Variants in PRH1 observed in about 807,000 individuals in gnomAD.
PRH1 encodes the protein proline rich protein HaeIII subfamily 1, also known as salivary acidic proline-rich phosphoprotein 1/2.
Under a neutral mutation model 7.9 loss-of-function variants are expected in PRH1, and 7 were observed. That is an observed-to-expected ratio of 0.89 (90% CI 0.50 to 1.67). The LOEUF is 1.67. Ranked by LOEUF, PRH1 falls within the 40% of genes most tolerant of loss-of-function variation. The pLI is 0.00. For synonymous variants in PRH1, 45 were observed against 80.8 expected, an observed-to-expected ratio of 0.56 and a Z score of 2.38; for missense variants, 109 against 223.6, an observed-to-expected ratio of 0.49 and a Z score of 3.27.
At chr12:11,034,989 T>G (rs1390942319) in intron 1 of PRH1, 1 of 152,140 alleles carries the variant, frequency 6.6e-6, no homozygotes, top group Admixed American at 6.5e-5. Flanking sequence ...ACTTTTGAAA[T>G]ACACTGAAGA....
intron 1 of PRH1, among the ~76,000 whole-genome samples, chr12:11,147,757 T>C (rs1211713052): frequency 6.6e-6 from 1 of 152,230 alleles, no homozygotes; most frequent in Non-Finnish European, 1.5e-5. Flanking sequence ...TCTACAGATG[T>C]TAAAGAGCAT....
intron 1 of PRH1, among the ~76,000 whole-genome samples, chr12:11,104,778 T>C (rs1382184945): frequency 6.6e-6 from 1 of 152,130 alleles, no homozygotes; most frequent in African/African-American, 2.4e-5. Flanking sequence ...CTAGGAGTAG[T>C]GTATGAAAAT....
chr12:11,028,471 C>A (rs910803065), intron 1 of PRH1, among the ~76,000 whole-genome samples: 18 of 152,218 alleles, frequency 1.2e-4, no homozygotes, highest in Admixed American at 8.5e-4. Flanking sequence ...TTGTTCCGGT[C>A]TCAATTTCCA....
At chr12:11,057,135 T>A (rs991911181) in intron 1 of PRH1, among the ~76,000 whole-genome samples, 1 of 152,078 alleles carries the variant, frequency 6.6e-6, no homozygotes, top group African/African-American at 2.4e-5. Flanking sequence ...GTTTCCCAAG[T>A]ATTTGGAACT....
chr12:10,970,325 A>G (rs1938746331), intron 2 of PRH1, among the ~76,000 whole-genome samples: 1 of 152,174 alleles, frequency 6.6e-6, no homozygotes, highest in Admixed American at 6.5e-5. Context: ...ATTTTATTTA[A>G]GGATAAATTT....
At chr12:11,134,173 A>G in intron 1 of PRH1, 1 of 1,613,984 alleles carries the variant, frequency 6.2e-7, no homozygotes, top group Non-Finnish European at 8.5e-7. Context: ...CTATGAAGCC[A>G]TTAGCAAAAT....
intron 1 of PRH1, among the ~76,000 whole-genome samples, chr12:11,102,810 C>A (rs1393453584): frequency 6.6e-6 from 1 of 152,122 alleles, no homozygotes; most frequent in Non-Finnish European, 1.5e-5. Flanking sequence ...GGGCTAATAT[C>A]CAGAATCTAC....
At chr12:11,136,962 C>T (rs547921640) in intron 1 of PRH1, among the ~76,000 whole-genome samples, 1 of 152,270 alleles carries the variant, frequency 6.6e-6, no homozygotes, top group Admixed American at 6.5e-5. Flanking sequence ...TCACAATTTT[C>T]TTCTTTTTGT....
At chr12:10,960,469 C>T (rs772891344) in intron 2 of PRH1, among the ~76,000 whole-genome samples, 13 of 152,200 alleles carry the variant, frequency 8.5e-5, no homozygotes, top group Non-Finnish European at 1.5e-4. Flanking sequence ...CTGAGCAGAA[C>T]GTGGTTTCTG....
chr12:11,069,934 G>T (rs1345757600), intron 1 of PRH1, among the ~76,000 whole-genome samples: 17 of 139,826 alleles, frequency 1.2e-4, no homozygotes, highest in African/African-American at 4.1e-4. Flanking sequence ...CTTTCTCAAA[G>T]ACCTGCAGCC....
intron 1 of PRH1, chr12:11,031,305 TG>T (rs1418985069): frequency 6.2e-7 from 1 of 1,612,064 alleles, no homozygotes; most frequent in African/African-American, 1.3e-5. Context: ...ACTACCACAC[TG>T]GAAAAAATGA....
chr12:10,944,201 A>G (rs1950448912), intron 2 of PRH1, among the ~76,000 whole-genome samples: 1 of 152,190 alleles, frequency 6.6e-6, no homozygotes, highest in Admixed American at 6.5e-5. Context: ...GATTCTTTGT[A>G]TCCATGAACA....
chr12:10,885,289 T>C (rs573720277), upstream of PRH1, among the ~76,000 whole-genome samples: 1 of 152,358 alleles, frequency 6.6e-6, no homozygotes, highest in South Asian at 2.1e-4. Context: ...AGGATTTTTA[T>C]CTGTAATATT....
chr12:10,924,291 T>G lies in PRH1; in HGVS notation c.-58-40016A>C, dbSNP rs1950095414. 2.0e-5 allele frequency among the ~76,000 whole-genome samples: 3 copies of G among 152,142 alleles called. No homozygotes were observed. The South Asian group carries it at 6.2e-4, about 31-fold the overall frequency. ...CGTGAGACACGGAGCCCAGCCTCAT[T>G]TCTCCATCTATTCTAAGTTTCTATT... On this transcript the variant is annotated intron_variant, in intron 2 of 3. Coordinates refer to the PRH1 transcript ENST00000539853.
At chr12:11,156,418 CAGCA>C (rs1241528065) in intron 1 of PRH1, among the ~76,000 whole-genome samples, 1 of 152,186 alleles carries the variant, frequency 6.6e-6, no homozygotes, top group Non-Finnish European at 1.5e-5. Context: ...GGAAAGGTCT[CAGCA>C]ACATTACTTC....
chr12:10,886,011 A>G (rs1949486648), upstream of PRH1, among the ~76,000 whole-genome samples: 1 of 152,218 alleles, frequency 6.6e-6, no homozygotes, highest in Admixed American at 6.5e-5. Flanking sequence ...TTTTCCCTGG[A>G]ATAAATATAG....
chr12:11,081,496 G>T (rs115964020), intron 1 of PRH1, among the ~76,000 whole-genome samples: 2,879 of 109,452 alleles, frequency 0.026, 821 homozygotes, highest in South Asian at 0.04. Context: ...CCAATAGTTT[G>T]CTGAGAGAAT....
chr12:10,901,002 G>T lies in PRH1; in HGVS notation c.-58-16727C>A, dbSNP rs143225978. Among the ~76,000 whole-genome samples, 1,264 of 152,318 alleles carry T rather than the reference G, an allele frequency of 8.3e-3. 9 individuals are homozygous for T. The highest frequency in any genetic ancestry group is 0.017 in the Middle Eastern group (5 of 294). On this transcript the variant is annotated intron_variant, in intron 2 of 3. Coordinates refer to the PRH1 transcript ENST00000539853. ...AAGCACCCATTCACCTGGCTCAGCAGCCTATCCTCCCCTACCCTTCCTGTG... is the reference window on the plus strand; with the variant it reads ...AAGCACCCATTCACCTGGCTCAGCATCCTATCCTCCCCTACCCTTCCTGTG...
intron 2 of PRH1, among the ~76,000 whole-genome samples, chr12:10,904,731 G>T (rs1028333089): frequency 1.3e-5 from 2 of 152,094 alleles, no homozygotes; most frequent in African/African-American, 4.8e-5. Flanking sequence ...ACTATCAACA[G>T]AGTAAACAGA....
Sources: gnomAD v4.1 joint callset for allele counts (sites outside exome capture counted in the v4.1 genomes callset) on GRCh38, gnomAD v4.1.1 for gene constraint, MANE v1.5 for transcripts, NCBI Gene and HGNC (gene_info 2026-07-23, HGNC 2026-07-21) for gene names.